ZNF354C: variants seen among roughly 807,000 people sequenced by gnomAD.
ZNF354C encodes KRAB-zinc finger protein synten.
Under a neutral mutation model 12.4 loss-of-function variants are expected in ZNF354C, and 7 were observed. The observed-to-expected ratio is 0.56, with a 90% confidence interval of 0.32 to 1.06. ZNF354C has a LOEUF of 1.06. ZNF354C is among the 50% of genes least tolerant of loss of function. ZNF354C has a pLI of 0.04. For missense variants in ZNF354C, 609 were observed against 658.0 expected (o/e 0.93, Z 0.81); for synonymous variants, 202 against 224.5 (o/e 0.90, Z 0.90).
intron 2 of ZNF354C, among the ~76,000 whole-genome samples, 187 bp downstream of exon 2, chr5:179,062,282 C>T (rs1481132380): frequency 1.3e-5 from 2 of 152,152 alleles, no homozygotes; most frequent in South Asian, 2.1e-4. Context: ...CCTCTTTTGT[C>T]CCGAGACTAC....
At chr5:179,072,856 T>G (rs1762068816) in intron 2 of ZNF354C, among the ~76,000 whole-genome samples, 1 of 152,170 alleles carries the variant, frequency 6.6e-6, no homozygotes, top group Non-Finnish European at 1.5e-5. Flanking sequence ...ATGTATATGT[T>G]GTATGTGTGT....
At chr5:179,064,704 G>A (rs575030978) in intron 2 of ZNF354C, among the ~76,000 whole-genome samples, 7 of 151,886 alleles carry the variant, frequency 4.6e-5, no homozygotes, top group African/African-American at 7.2e-5. Flanking sequence ...GTGAGCCACC[G>A]CGCCCGGCCT....
intron 2 of ZNF354C, among the ~76,000 whole-genome samples, chr5:179,069,680 A>G (rs1762016601): frequency 6.6e-6 from 1 of 151,766 alleles, no homozygotes; most frequent in Non-Finnish European, 1.5e-5. Flanking sequence ...CCTGGCTAAC[A>G]TGGCGAAACC....
intron 1 of ZNF354C, among the ~76,000 whole-genome samples, chr5:179,061,473 G>C (rs1352176434): frequency 6.6e-6 from 1 of 152,178 alleles, no homozygotes; most frequent in East Asian, 1.9e-4. Flanking sequence ...AAGGCCCGAC[G>C]AAGATCTAGT....
intron 2 of ZNF354C, among the ~76,000 whole-genome samples, chr5:179,068,937 G>A (rs1761999147): frequency 1.3e-5 from 2 of 152,232 alleles, no homozygotes; most frequent in Admixed American, 1.3e-4. Flanking sequence ...GCATGAGCGT[G>A]TCCGTGTCCT....
rs1270416747 is a variant in ZNF354C, at chr5:179,060,834, C to T, written c.-55+168C>T. The stretch of plus-strand genomic sequence containing the variant: ...CCAGGCACCAGACTAGCGCATCGCC[C>T]GAACGAACTCCGCGCATCCCTGCTA... On this transcript the variant is annotated intron_variant, in intron 1 of 4. Transcript: ENST00000315475. The surrounding 1 kb of genome is among the most constrained non-coding windows in gnomAD (Gnocchi z 4.2). 6.6e-6 allele frequency among the ~76,000 whole-genome samples: 1 copy of T among 152,286 alleles called. No individual in the cohort carries two copies. The highest frequency in any genetic ancestry group is 6.5e-5 in the Admixed American group (1 of 15,302).
chr5:179,082,588 G>T lies in ZNF354C; in HGVS notation c.*2491G>T. 1.0e-6 allele frequency: 1 copy of T among 980,330 alleles called. No individual in the cohort carries two copies. The highest frequency in any genetic ancestry group is 1.7e-6 in the Non-Finnish European group (1 of 604,790). The allele number at this position is 980,330 out of a possible 1,614,324, so 60.7% of individuals were successfully genotyped here. A position where few individuals can be genotyped will look rare whatever the true frequency, so the allele number is the denominator to read the frequency against. On this transcript the variant is annotated 3_prime_UTR_variant, in exon 5 of 5. Transcript: ENST00000315475. ...ACTAAGTATTCCAGATTTCGGGAGG[G>T]ATGAAGAGGGAGATATTCAGAAACC... is the stretch of plus-strand genomic sequence containing the variant.
chr5:179,062,509 G>C (rs977342656), intron 2 of ZNF354C, among the ~76,000 whole-genome samples: 4 of 152,184 alleles, frequency 2.6e-5, no homozygotes, highest in Non-Finnish European at 5.9e-5. Flanking sequence ...TGCAGCACAC[G>C]GGATGGAAAG....
rs757946082 is a variant in ZNF354C at position 179,079,803 on chromosome 5, G to A, written c.1371G>A (p.Arg457=). Residue 457 remains arginine (R), a synonymous_variant, in exon 5 of 5, where the codon AGG becomes AGA. Coordinates refer to ENST00000315475, the MANE Select transcript of ZNF354C (RefSeq NM_014594.3). The surrounding 1 kb of genome is among the most constrained non-coding windows in gnomAD (Gnocchi z 4.2). The stretch of plus-strand genomic sequence containing the variant: ...TTGGTTGCAAATCTAACCTTTATAG[G>A]CATCAGAGAATTCATACTGGAGAGA... ...KAFGCKSNLY[R]HQRIHTGEKP... The A allele has an allele frequency of 6.2e-7, 1 of 1,609,520 alleles. No individual in the cohort carries two copies. The highest frequency in any genetic ancestry group is 1.7e-5 in the Admixed American group (1 of 59,212).
chr5:179,080,901 T>C lies in ZNF354C; in HGVS notation c.*804T>C. On this transcript the variant is annotated 3_prime_UTR_variant, in exon 5 of 5. Transcript: ENST00000315475. Reference sequence around the variant, plus strand: ...TTTGTTATCTGTTGCAGAAGGGATGTATTTGGCAGAATCTCAGGCTGCATG... The same window carrying C: ...TTTGTTATCTGTTGCAGAAGGGATGCATTTGGCAGAATCTCAGGCTGCATG... The C allele has an allele frequency of 6.6e-6, 1 of 152,202 alleles. No homozygotes were observed. The highest frequency in any genetic ancestry group is 1.5e-5 in the Non-Finnish European group (1 of 68,022). 9.4% of individuals were successfully genotyped at this position (152,202 alleles called of 1,614,324 possible).
intron 2 of ZNF354C, among the ~76,000 whole-genome samples, chr5:179,069,879 C>A (rs1054328042): frequency 6.6e-6 from 1 of 151,806 alleles, no homozygotes; most frequent in Non-Finnish European, 1.5e-5. Context: ...AACAAACAAA[C>A]AAAAAAAACC....
intron 2 of ZNF354C, among the ~76,000 whole-genome samples, chr5:179,066,306 C>T (rs963549864): frequency 3.3e-5 from 5 of 152,226 alleles, no homozygotes; most frequent in South Asian, 4.1e-4. Flanking sequence ...CTCTTCCTTA[C>T]GGCATTGCTG....
At chr5:179,072,430 A>G (rs1762063865) in intron 2 of ZNF354C, among the ~76,000 whole-genome samples, 1 of 152,190 alleles carries the variant, frequency 6.6e-6, no homozygotes, top group African/African-American at 2.4e-5. Context: ...TACCAATTAA[A>G]TGATATTAAA....
rs531605153 is a variant in ZNF354C at position 179,063,268 on chromosome 5, A to AAC, written c.27+1175_27+1176dup. Reference sequence around the variant, plus strand: ...TGACTGAGTTGCTATGAGCATTAGTAACAGTAGTAGCTGGGCACAGTAGCT... The same window carrying AAC: ...TGACTGAGTTGCTATGAGCATTAGTAACACAGTAGTAGCTGGGCACAGTAGCT... On this transcript the variant is annotated intron_variant, in intron 2 of 4. Coordinates refer to ENST00000315475, the MANE Select transcript of ZNF354C (RefSeq NM_014594.3). Among the ~76,000 whole-genome samples the AAC allele has an allele frequency of 3.1e-4, 47 of 152,328 alleles. 1 individual carries two copies. In the South Asian group the frequency reaches 9.5e-3, roughly 31 times the overall value.
In ZNF354C at chr5:179,079,031, A is replaced by G. The variant is rs1173827593; in HGVS notation, c.599A>G (p.Asn200Ser). 1 of 1,613,068 alleles carries G rather than the reference A, an allele frequency of 6.2e-7. No homozygotes were observed. The highest frequency in any genetic ancestry group is 1.1e-5 in the South Asian group (1 of 90,840). Residue 200 changes from asparagine to serine, a missense_variant, in exon 5 of 5, where the codon AAT (asparagine) becomes AGT (serine). By Grantham distance (46) the Asn-to-Ser change is conservative (BLOSUM62 1). Transcript: ENST00000315475. The surrounding 1 kb of genome is among the most constrained non-coding windows in gnomAD (Gnocchi z 4.2). ...ACATTTGGGAAAGATTTTAAACAGA[A>G]TTTTGATCTCATGAAATGCTTCCAG... ...YYTFGKDFKQ[N>S]FDLMKCFQIY... is the part of the protein sequence containing the mutation.
At chr5:179,077,400 A>T (rs555251200) in intron 4 of ZNF354C, among the ~76,000 whole-genome samples, 104 of 152,330 alleles carry the variant, frequency 6.8e-4, no homozygotes, top group African/African-American at 2.4e-3. Context: ...TTTAACAGAG[A>T]GTAGTTTAGA....
In ZNF354C at chr5:179,074,424, G is replaced by T. The variant is rs141234952; in HGVS notation, c.28-2021G>T. Reference sequence around the variant, plus strand: ...ATTACAGGCGTGAGCCACCACACCCGGCCTGGCTTGTGTATTTTTAAGATC... The same window carrying T: ...ATTACAGGCGTGAGCCACCACACCCTGCCTGGCTTGTGTATTTTTAAGATC... On this transcript the variant is annotated intron_variant, in intron 2 of 4. Transcript: ENST00000315475. 3.3e-3 allele frequency among the ~76,000 whole-genome samples: 504 copies of T among 152,030 alleles called. 1 individual carries two copies. The highest frequency in any genetic ancestry group is 5.0e-3 in the Non-Finnish European group (339 of 67,978).
chr5:179,065,957 C>T (rs1197229413), intron 2 of ZNF354C, among the ~76,000 whole-genome samples: 1 of 152,172 alleles, frequency 6.6e-6, no homozygotes, highest in Non-Finnish European at 1.5e-5. Flanking sequence ...TCTGCCTTCC[C>T]ATACTGTATT....
At position 179,078,885 on chromosome 5, in the gene ZNF354C, G is replaced by A; in HGVS notation, c.453G>A (p.Glu151=). The stretch of plus-strand genomic sequence containing the variant: ...TTAGACAAATGATAGATTCGCATGA[G>A]AAAACCATCAGTGAAGATGGAAACC... The part of the protein sequence containing the change: ...KPLRQMIDSH[E]KTISEDGNHT... The change falls in exon 5 of 5, where the codon GAG becomes GAA. Residue 151 remains glutamate, a synonymous_variant. Coordinates refer to ENST00000315475, the MANE Select transcript of ZNF354C (RefSeq NM_014594.3). 2 of 1,614,104 alleles carry A rather than the reference G, an allele frequency of 1.2e-6. No homozygotes were observed. The highest frequency in any genetic ancestry group is 1.1e-5 in the South Asian group (1 of 91,056).
Sources: allele counts gnomAD v4.1 joint callset (sites outside exome capture counted in the v4.1 genomes callset), GRCh38; gene constraint gnomAD v4.1.1; non-coding constraint Gnocchi (gnomAD v3.1); transcripts MANE v1.5; gene names NCBI Gene and HGNC (gene_info 2026-07-23, HGNC 2026-07-21).